Variants in HS3ST3B1 observed in about 807,000 individuals in gnomAD.
The protein encoded by HS3ST3B1 is heparan sulfate glucosamine 3-O-sulfotransferase 3B1.
Under a neutral mutation model 21.3 loss-of-function variants are expected in HS3ST3B1, and 13 were observed. The observed-to-expected ratio is 0.61, with a 90% CI of 0.40 to 0.97. The LOEUF (loss-of-function observed/expected upper bound fraction) is 0.97. Ranked by LOEUF, HS3ST3B1 falls within the 50% of genes least tolerant of loss-of-function variation. HS3ST3B1 has a pLI of 0.00. For missense variants in HS3ST3B1, 459 were observed against 554.8 expected (o/e 0.83, Z 1.73); for synonymous variants, 234 against 254.8 (o/e 0.92, Z 0.78).
chr17:14,347,775 A>G lies in HS3ST3B1; in HGVS notation c.*2129A>G, dbSNP rs1398708653. 2 of 152,090 alleles carry G rather than the reference A, an allele frequency of 1.3e-5. No individual in the cohort carries two copies. Among genetic ancestry groups the G allele is most frequent in the Non-Finnish European group, 2.9e-5 (2 of 68,024 alleles). The allele number at this position is 152,090 out of a possible 1,614,324, so 9.4% of individuals were successfully genotyped here. On this transcript the variant is annotated 3_prime_UTR_variant, in exon 2 of 2. Coordinates refer to ENST00000360954, the MANE Select transcript of HS3ST3B1 (RefSeq NM_006041.3). Reference sequence around the variant, plus strand: ...GAGGAAGCTCATGGGGGATCTGTGTATTTCTTAGGTTTCTCCCTGTTCTCC... The same window carrying G: ...GAGGAAGCTCATGGGGGATCTGTGTGTTTCTTAGGTTTCTCCCTGTTCTCC...
At chr17:14,307,709 T>G (rs1349318393) in intron 1 of HS3ST3B1, among the ~76,000 whole-genome samples, 2 of 152,206 alleles carry the variant, frequency 1.3e-5, no homozygotes, top group Non-Finnish European at 2.9e-5. Flanking sequence ...TGTCAGTAGT[T>G]TTTTGAATAC....
intron 1 of HS3ST3B1, 109 bp from the exon 2 acceptor site, chr17:14,344,919 C>T: frequency 6.9e-7 from 1 of 1,440,234 alleles, no homozygotes. Flanking sequence ...ATGTTTCTAC[C>T]ACTGCTTCCA....
chr17:14,346,929 A>C lies in HS3ST3B1; in HGVS notation c.*1283A>C, dbSNP rs2142358954. 6.6e-6 allele frequency: 1 copy of C among 152,338 alleles called. No individual in the cohort carries two copies. Among genetic ancestry groups the C allele is most frequent in the South Asian group, 2.1e-4 (1 of 4,828 alleles). The allele number at this position is 152,338 out of a possible 1,614,324, so 9.4% of individuals were successfully genotyped here. ...TCTACCAAGGTGCTGCTAGGTACAGAGCCAGCCAGTGTTGGGCAGCAGGCT... is the reference window on the plus strand; with the variant it reads ...TCTACCAAGGTGCTGCTAGGTACAGCGCCAGCCAGTGTTGGGCAGCAGGCT... On this transcript the variant is annotated 3_prime_UTR_variant, in exon 2 of 2. Transcript: ENST00000360954.
At chr17:14,332,491 G>A (rs1220882035) in intron 1 of HS3ST3B1, among the ~76,000 whole-genome samples, 1 of 151,896 alleles carries the variant, frequency 6.6e-6, no homozygotes, top group African/African-American at 2.4e-5. Flanking sequence ...CCCATTCGCA[G>A]CTAACCTAAA....
chr17:14,302,120 T>A (rs1292076309), intron 1 of HS3ST3B1, 48 bp downstream of exon 1: 1 of 1,538,402 alleles, frequency 6.5e-7, no homozygotes, highest in Non-Finnish European at 8.7e-7. Flanking sequence ...ATTCAGACCC[T>A]GAGCTAAGGG....
intron 1 of HS3ST3B1, among the ~76,000 whole-genome samples, chr17:14,306,265 G>A (rs374911818): frequency 4.6e-5 from 7 of 152,238 alleles, no homozygotes; most frequent in African/African-American, 1.7e-4. Flanking sequence ...TTCTGCAAAG[G>A]ACAGTTAGAA....
chr17:14,320,794 C>T (rs973910216), intron 1 of HS3ST3B1, among the ~76,000 whole-genome samples: 13 of 152,154 alleles, frequency 8.5e-5, no homozygotes, highest in South Asian at 2.1e-4. Flanking sequence ...TTCTCAGCTC[C>T]GCAGACCTAC....
intron 1 of HS3ST3B1, among the ~76,000 whole-genome samples, chr17:14,309,747 C>T (rs867827977): frequency 1.3e-5 from 2 of 152,206 alleles, no homozygotes; most frequent in South Asian, 2.1e-4. Context: ...TTTTCTGGAG[C>T]GGAGATGTCT....
chr17:14,325,069 A>T (rs1008246204), intron 1 of HS3ST3B1, among the ~76,000 whole-genome samples: 2 of 152,216 alleles, frequency 1.3e-5, no homozygotes, highest in African/African-American at 4.8e-5. Flanking sequence ...CACAGCTTTT[A>T]AAAAAAGAAA....
chr17:14,318,513 G>A (rs1909566682), intron 1 of HS3ST3B1, among the ~76,000 whole-genome samples: 1 of 152,198 alleles, frequency 6.6e-6, no homozygotes, highest in South Asian at 2.1e-4. Flanking sequence ...ACTCACTGTG[G>A]AGGAACTCAG....
In HS3ST3B1 at chr17:14,319,721, C is replaced by T. The variant is rs577576266; in HGVS notation, c.554+17649C>T. Among the ~76,000 whole-genome samples the T allele has an allele frequency of 4.5e-4, 68 of 151,946 alleles. No individual in the cohort carries two copies. In the Middle Eastern group the frequency reaches 0.014, roughly 30 times the overall value. On this transcript the variant is annotated intron_variant, in intron 1 of 1. Coordinates refer to ENST00000360954, the MANE Select transcript of HS3ST3B1 (RefSeq NM_006041.3). ...ATGTCACCAAGAGTGAGGGGGTAGA[C>T]GGTTTTGTGGGAGAGGATGATGGGA...
intron 1 of HS3ST3B1, among the ~76,000 whole-genome samples, chr17:14,344,411 C>T (rs993111773): frequency 1.3e-5 from 2 of 152,144 alleles, no homozygotes; most frequent in East Asian, 1.9e-4. Flanking sequence ...GGAATTTCCT[C>T]GTGGCATGTT....
rs902482020 is a variant in HS3ST3B1 at position 14,347,027 on chromosome 17, C to T, written c.*1381C>T. 2 of 152,214 alleles carry T rather than the reference C, an allele frequency of 1.3e-5. No individual in the cohort carries two copies. The highest frequency in any genetic ancestry group is 2.9e-5 in the Non-Finnish European group (2 of 68,072). The allele number at this position is 152,214 out of a possible 1,614,324, so 9.4% of individuals were successfully genotyped here. A position where few individuals can be genotyped will look rare whatever the true frequency, so the allele number is the denominator to read the frequency against. ...GCCTGACAGAGGAAGGAGTCTGACA[C>T]CTCAGCTTGATGCGTCTTTGGAATT... On this transcript the variant is annotated 3_prime_UTR_variant, in exon 2 of 2. Transcript: ENST00000360954.
chr17:14,341,530 CT>C lies in HS3ST3B1; in HGVS notation c.555-3486del, dbSNP rs911857955. Among the ~76,000 whole-genome samples, 645 of 146,880 alleles carry C rather than the reference CT, an allele frequency of 4.4e-3. 4 individuals are homozygous for C. Among genetic ancestry groups the C allele is most frequent in the African/African-American group, 0.014 (578 of 40,362 alleles). ...AAAAGCCCTAGGAGGCAGACATCAT[CT>C]TTTTTTTTTTTCATTATTCAGATGA... On this transcript the variant is annotated intron_variant, in intron 1 of 1. Coordinates refer to ENST00000360954, the MANE Select transcript of HS3ST3B1 (RefSeq NM_006041.3).
chr17:14,308,544 T>G (rs1365153079), intron 1 of HS3ST3B1, among the ~76,000 whole-genome samples: 1 of 152,190 alleles, frequency 6.6e-6, no homozygotes, highest in Non-Finnish European at 1.5e-5. Flanking sequence ...TTGCTGTTTG[T>G]AAAAATTATG....
intron 1 of HS3ST3B1, among the ~76,000 whole-genome samples, chr17:14,311,423 A>G (rs544113421): frequency 6.6e-6 from 1 of 152,150 alleles, no homozygotes; most frequent in Non-Finnish European, 1.5e-5. Flanking sequence ...GCAAAATTTA[A>G]TAAAGTACAC....
intron 1 of HS3ST3B1, among the ~76,000 whole-genome samples, chr17:14,322,068 C>T (rs1427954092): frequency 6.7e-6 from 1 of 149,172 alleles, no homozygotes; most frequent in Non-Finnish European, 1.5e-5. Context: ...AATTTAAACC[C>T]AAACCTTTTT....
chr17:14,310,632 T>G (rs1358507183), intron 1 of HS3ST3B1, among the ~76,000 whole-genome samples: 1 of 152,180 alleles, frequency 6.6e-6, no homozygotes, highest in South Asian at 2.1e-4. Context: ...AGTACACAAT[T>G]AGAGACCAGT....
At position 14,347,422 on chromosome 17, in the gene HS3ST3B1, C is replaced by T. The variant is rs1015920982; in HGVS notation, c.*1776C>T. Reference sequence around the variant, plus strand: ...TTTAATTTAACCTCAGTTTTTTAAACCAGAATGCTTCTACCATAAAAGAAT... The same window carrying T: ...TTTAATTTAACCTCAGTTTTTTAAATCAGAATGCTTCTACCATAAAAGAAT... On this transcript the variant is annotated 3_prime_UTR_variant, in exon 2 of 2. Coordinates refer to ENST00000360954, the MANE Select transcript of HS3ST3B1 (RefSeq NM_006041.3). 2.0e-5 allele frequency: 3 copies of T among 152,186 alleles called. No homozygotes were observed. Among genetic ancestry groups the T allele is most frequent in the African/African-American group, 7.2e-5 (3 of 41,450 alleles). The allele number at this position is 152,186 out of a possible 1,614,324, so 9.4% of individuals were successfully genotyped here.
Sources: gnomAD v4.1 joint callset for allele counts (sites outside exome capture counted in the v4.1 genomes callset) on GRCh38, gnomAD v4.1.1 for gene constraint, MANE v1.5 for transcripts, NCBI Gene and HGNC (gene_info 2026-07-23, HGNC 2026-07-21) for gene names.